TSPEAR: variants seen among roughly 807,000 people sequenced by gnomAD.
TSPEAR encodes thrombospondin-type laminin G domain and EAR repeat-containing protein.
A neutral mutation model predicts 71.6 loss-of-function variants in TSPEAR; 69 were observed. The observed-to-expected ratio is 0.96, with a 90% CI of 0.79 to 1.18. TSPEAR has a LOEUF of 1.18. Among genes scored for constraint, TSPEAR ranks in the 50% most tolerant of loss-of-function variants. TSPEAR has a pLI of 0.00. For synonymous variants in TSPEAR, 402 were observed against 387.2 expected, an observed-to-expected ratio of 1.04 and a Z score of -0.45; for missense variants, 971 against 894.9, an observed-to-expected ratio of 1.09 and a Z score of -1.09.
intron 1 of TSPEAR, among the ~76,000 whole-genome samples, chr21:44,679,804 T>C (rs1414371589): frequency 6.6e-6 from 1 of 152,166 alleles, no homozygotes; most frequent in African/African-American, 2.4e-5. Context: ...ACCCCTTCAA[T>C]AAATGGTGCT....
chr21:44,522,257 T>C, intron 8 of TSPEAR, 145 bp from the exon 9 acceptor site: 1 of 718,146 alleles, frequency 1.4e-6, no homozygotes, highest in South Asian at 1.7e-5. Flanking sequence ...ACATCCTTTC[T>C]TACCTTGAGC....
chr21:44,601,539 C>G, intron 1 of TSPEAR: 2 of 1,613,982 alleles, frequency 1.2e-6, no homozygotes, highest in Non-Finnish European at 8.5e-7. Context: ...GCAGACCCTC[C>G]TCCTCCGTGT....
At chr21:44,573,588 G>A in intron 1 of TSPEAR, 2 of 1,143,258 alleles carry the variant, frequency 1.7e-6, no homozygotes, top group Admixed American at 2.5e-5. Context: ...TTATTCTCCT[G>A]GAGCTGGCTG....
intron 1 of TSPEAR, among the ~76,000 whole-genome samples, chr21:44,600,331 T>C (rs1555928273): frequency 6.6e-6 from 1 of 152,144 alleles, no homozygotes; most frequent in African/African-American, 2.4e-5. Flanking sequence ...TTCAATATTA[T>C]GCTCTGGAGC....
At chr21:44,589,087 C>G (rs114414015) in intron 1 of TSPEAR, among the ~76,000 whole-genome samples, 6,264 of 152,234 alleles carry the variant, frequency 0.041, 150 homozygotes, top group African/African-American at 0.051. Context: ...CAAAATCTCA[C>G]AAATCAACAC....
rs371276303 is a variant in TSPEAR at position 44,600,837 on chromosome 21, T to C, written c.83-32832A>G. 5.5e-3 allele frequency: 8,778 copies of C among 1,593,956 alleles called. 291 individuals carry two copies. In the African/African-American group the frequency reaches 0.065, roughly 12 times the overall value. ...CCAGCCCCTGCTGCCGAGTGACCTG[T>C]GAGCCCAGCCCCTGCCAATCAGGCT... On this transcript the variant is annotated intron_variant, in intron 1 of 11. Coordinates refer to ENST00000323084, the MANE Select transcript of TSPEAR (RefSeq NM_144991.3).
At chr21:44,591,798 G>GCAGCAGACGGGCACA (rs1569206198) in intron 1 of TSPEAR, 1 of 1,586,146 alleles carries the variant, frequency 6.3e-7, no homozygotes, top group Admixed American at 1.7e-5. Flanking sequence ...AGACGGGCAC[G>GCAGCAGACGGGCACA]CAGCAGGCCT....
rs1156544761 is a variant in TSPEAR, at chr21:44,509,055, G to GT, written c.1754+143dup. The stretch of plus-strand genomic sequence containing the variant: ...CCCAGGCCATTCTTTCCACAGGAAG[G>GT]TCCCCAGGCCATTCTTTCCACAGGA... On this transcript the variant is annotated intron_variant, in intron 10 of 11. Coordinates refer to ENST00000323084, the MANE Select transcript of TSPEAR (RefSeq NM_144991.3). 5.1e-6 allele frequency: 7 copies of GT among 1,378,092 alleles called. No homozygotes were observed. The African/African-American group carries it at 1.1e-4, about 21-fold the overall frequency. The allele number at this position is 1,378,092 out of a possible 1,614,324, so 85.4% of individuals were successfully genotyped here.
chr21:44,581,453 C>G (rs147262804), intron 1 of TSPEAR, among the ~76,000 whole-genome samples: 3 of 152,108 alleles, frequency 2.0e-5, no homozygotes, highest in Non-Finnish European at 4.4e-5. Context: ...AAATGATGAA[C>G]CTGTGTCACC....
intron 1 of TSPEAR, among the ~76,000 whole-genome samples, chr21:44,579,265 A>G (rs587653072): frequency 4.6e-5 from 7 of 152,248 alleles, no homozygotes; most frequent in Admixed American, 3.3e-4. Flanking sequence ...AGACCCAGGC[A>G]TGGAGGCTGA....
At chr21:44,500,061 C>A (rs116156114) in intron 11 of TSPEAR, 125 bp from the exon 12 acceptor site, 1 of 997,192 alleles carries the variant, frequency 1.0e-6, no homozygotes, top group Non-Finnish European at 1.4e-6. Context: ...CTTCCATCCC[C>A]CCGACTGGCA....
chr21:44,592,806 C>T (rs141024781), intron 1 of TSPEAR, among the ~76,000 whole-genome samples: 7 of 152,160 alleles, frequency 4.6e-5, no homozygotes, highest in East Asian at 1.9e-4. Context: ...CCAGCAGCCC[C>T]GGGACACAGA....
At chr21:44,631,382 G>A (rs1482108422) in intron 1 of TSPEAR, among the ~76,000 whole-genome samples, 1 of 152,114 alleles carries the variant, frequency 6.6e-6, no homozygotes, top group Non-Finnish European at 1.5e-5. Flanking sequence ...TTAGAGAACA[G>A]GTAGATAGGT....
In TSPEAR at chr21:44,612,251, T is replaced by G. The variant is rs782749880; in HGVS notation, c.83-44246A>C. On this transcript the variant is annotated intron_variant, in intron 1 of 11. Transcript: ENST00000323084. This position sits in a 1 kb window ranked among gnomAD's most constrained non-coding sequence, Gnocchi z 4.1. The stretch of plus-strand genomic sequence containing the variant: ...GGTGGACAATTGCCAGGAAAGCTGC[T>G]GCGAGCCCCGCTCCTGTGCCTCCAG... The G allele has an allele frequency of 1.2e-6, 2 of 1,613,672 alleles. No homozygotes were observed. Among genetic ancestry groups the G allele is most frequent in the Non-Finnish European group, 1.7e-6 (2 of 1,179,996 alleles).
At chr21:44,564,495 C>G (rs150388850) in intron 2 of TSPEAR, among the ~76,000 whole-genome samples, 1 of 151,704 alleles carries the variant, frequency 6.6e-6, no homozygotes, top group African/African-American at 2.4e-5. Flanking sequence ...AACTGCTGTC[C>G]GATAAAATAA....
In TSPEAR at chr21:44,545,779, T is replaced by C. The variant is rs782582086; in HGVS notation, c.304-11856A>G. Among the ~76,000 whole-genome samples the C allele has an allele frequency of 6.2e-4, 94 of 152,212 alleles. 1 individual carries two copies. The Middle Eastern group carries it at 0.017, about 28-fold the overall frequency. ...AAAGCAGTATGTAGAGGGAAATTGATAACTGAATGCTTACATTTTAAAAAA... is the reference window on the plus strand; with the variant it reads ...AAAGCAGTATGTAGAGGGAAATTGACAACTGAATGCTTACATTTTAAAAAA... On this transcript the variant is annotated intron_variant, in intron 2 of 11. Transcript: ENST00000323084.
At chr21:44,539,954 G>A (rs1555917001) in intron 2 of TSPEAR, 2 of 1,613,546 alleles carry the variant, frequency 1.2e-6, no homozygotes, top group Non-Finnish European at 1.7e-6. Context: ...TGATTGGCAG[G>A]GGCTGGGCTC....
chr21:44,642,094 A>G lies in TSPEAR; in HGVS notation c.82+69339T>C, dbSNP rs587710062. 1.8e-4 allele frequency among the ~76,000 whole-genome samples: 27 copies of G among 152,380 alleles called. No homozygotes were observed. The South Asian group carries it at 4.8e-3, about 27-fold the overall frequency. On this transcript the variant is annotated intron_variant, in intron 1 of 11. Coordinates refer to ENST00000323084, the MANE Select transcript of TSPEAR (RefSeq NM_144991.3). The surrounding 1 kb of genome is among the most constrained non-coding windows in gnomAD (Gnocchi z 4.1). ...GATTCAGAGATTTTCCTGTTTCAGT[A>G]TAAGAAAATAGTATGGGTATATTTA...
intron 1 of TSPEAR, chr21:44,573,642 G>T: frequency 6.6e-7 from 1 of 1,515,398 alleles, no homozygotes; most frequent in South Asian, 1.3e-5. Flanking sequence ...CCTCCTGTCT[G>T]GACAACATGC....
Sources: gnomAD v4.1 joint callset for allele counts (sites outside exome capture counted in the v4.1 genomes callset) on GRCh38, gnomAD v4.1.1 for gene constraint, Gnocchi (gnomAD v3.1) non-coding constraint, MANE v1.5 for transcripts, NCBI Gene and HGNC (gene_info 2026-07-23, HGNC 2026-07-21) for gene names.